TRDMT1: variants seen among roughly 807,000 people sequenced by gnomAD.
TRDMT1 encodes tRNA aspartic acid methyltransferase 1, also known as tRNA (cytosine(38)-C(5))-methyltransferase.
TRDMT1 carries 49 observed loss-of-function variants against 51.2 expected under a neutral mutation model. The ratio of observed to expected loss-of-function variants is 0.96; its 90% confidence interval spans 0.76 to 1.21. The LOEUF (loss-of-function observed/expected upper bound fraction) is 1.21, where lower values mean the gene tolerates loss of function less well. TRDMT1 is among the 50% of genes most tolerant of loss of function. The pLI is 0.00. For missense variants in TRDMT1, 534 were observed against 462.3 expected (o/e 1.16, Z -1.42); for synonymous variants, 187 against 164.6 (o/e 1.14, Z -1.04).
rs867316276 is a variant in TRDMT1 at position 17,152,451 on chromosome 10, G to A, written c.1075+1056C>T. 5.9e-5 allele frequency among the ~76,000 whole-genome samples: 9 copies of A among 152,268 alleles called. No individual in the cohort carries two copies. The East Asian group carries it at 1.5e-3, about 26-fold the overall frequency. On this transcript the variant is annotated intron_variant, in intron 10 of 10. Coordinates refer to ENST00000377799, the MANE Select transcript of TRDMT1 (RefSeq NM_004412.7). Reference sequence around the variant, plus strand: ...ATCCATTATTTAGAATTTGAAACACGATCTATTAAACCCATTATTTATTTG... The same window carrying A: ...ATCCATTATTTAGAATTTGAAACACAATCTATTAAACCCATTATTTATTTG...
chr10:17,173,314 T>G (rs577938896), intron 2 of TRDMT1, among the ~76,000 whole-genome samples: 1 of 152,300 alleles, frequency 6.6e-6, no homozygotes, highest in Non-Finnish European at 1.5e-5. Context: ...TACATACACA[T>G]ATTGTAGTAT....
rs1266883686 is a variant in TRDMT1, at chr10:17,153,431, C to G, written c.1075+76G>C. ...CTTGAGCCCATTTGTTTAGGCAAGT[C>G]CTAGACACACAAGTCCCTAAAGATT... On this transcript the variant is annotated intron_variant, in intron 10 of 10. Transcript: ENST00000377799. 75 of 1,562,760 alleles carry G rather than the reference C, an allele frequency of 4.8e-5. 1 individual carries two copies. Among genetic ancestry groups the G allele is most frequent in the Non-Finnish European group, 5.7e-5 (65 of 1,147,054 alleles).
At chr10:17,159,405 T>A (rs1839997573) in intron 6 of TRDMT1, among the ~76,000 whole-genome samples, 176 bp from the exon 7 acceptor site, 1 of 152,182 alleles carries the variant, frequency 6.6e-6, no homozygotes, top group Non-Finnish European at 1.5e-5. Context: ...TTTTAAACTA[T>A]TAAGTTGCTA....
chr10:17,187,118 G>T (rs1175522395), intron 1 of TRDMT1, among the ~76,000 whole-genome samples: 1 of 152,106 alleles, frequency 6.6e-6, no homozygotes, highest in East Asian at 1.9e-4. Context: ...GAACATGACT[G>T]TCTCGTTCAA....
intron 1 of TRDMT1, among the ~76,000 whole-genome samples, chr10:17,200,778 AAT>A (rs1487335955): frequency 6.6e-6 from 1 of 152,206 alleles, no homozygotes; most frequent in African/African-American, 2.4e-5. Flanking sequence ...GCATAAAAGT[AAT>A]AGTTTGCTTG....
rs151084227 is a variant in TRDMT1, at chr10:17,196,627, T to C, written c.64+4944A>G. Among the ~76,000 whole-genome samples, 132 of 152,352 alleles carry C rather than the reference T, an allele frequency of 8.7e-4. 4 individuals carry two copies. The East Asian group carries it at 0.021, about 24-fold the overall frequency. On this transcript the variant is annotated intron_variant, in intron 1 of 10. Transcript: ENST00000377799. ...AAGTAGTTTCTGTATAGGTCAAATA[T>C]GTATTTAAAAATGTAATAGACATTG...
intron 10 of TRDMT1, among the ~76,000 whole-genome samples, chr10:17,152,475 T>G (rs966522857): frequency 6.6e-6 from 1 of 152,258 alleles, no homozygotes; most frequent in Admixed American, 6.5e-5. Flanking sequence ...ATTATTTATT[T>G]GAGGGATAGT....
At position 17,187,604 on chromosome 10, in the gene TRDMT1, A is replaced by C. The variant is rs117610874; in HGVS notation, c.65-12944T>G. On this transcript the variant is annotated intron_variant, in intron 1 of 10. Transcript: ENST00000377799. ...AAAATCCCACCCTCAAGGAGCTTAC[A>C]TTCTAGAAGAGGAGGCAGTCAATTT... 7.4e-4 allele frequency among the ~76,000 whole-genome samples: 112 copies of C among 152,344 alleles called. No homozygotes were observed. In the East Asian group the frequency reaches 0.02, roughly 28 times the overall value.
chr10:17,150,893 C>A (rs1027981327), intron 10 of TRDMT1: 1 of 985,146 alleles, frequency 1.0e-6, no homozygotes, highest in Admixed American at 6.2e-5. Context: ...TACAAACAGG[C>A]TTTTAGACTA....
chr10:17,175,643 C>G (rs893865635), intron 1 of TRDMT1, among the ~76,000 whole-genome samples: 2 of 148,796 alleles, frequency 1.3e-5, no homozygotes, highest in Admixed American at 1.4e-4. Context: ...TAATAGTTAG[C>G]TGATTAGCTT....
At chr10:17,169,346 G>A (rs1191755619) in intron 2 of TRDMT1, 1 of 1,209,352 alleles carries the variant, frequency 8.3e-7, no homozygotes, top group African/African-American at 1.6e-5. Context: ...AATGTGATAT[G>A]CAGACCAGTC....
At position 17,139,725 on chromosome 10, in the gene TRDMT1, A is replaced by G. The variant is rs1837532797; in HGVS notation, c.*9315T>C. On this transcript the variant is annotated 3_prime_UTR_variant, in exon 11 of 11. Transcript: ENST00000377799. ...CAAGGCTGATGCCTTACAAAGGGGC[A>G]TCATTCCCAGGGGATTTGTTAATTG... is the stretch of plus-strand genomic sequence containing the variant. 6.6e-6 allele frequency among the ~76,000 whole-genome samples: 1 copy of G among 152,124 alleles called. No homozygotes were observed. Among genetic ancestry groups the G allele is most frequent in the African/African-American group, 2.4e-5 (1 of 41,406 alleles).
intron 2 of TRDMT1, chr10:17,169,677 T>C: frequency 2.2e-6 from 1 of 463,504 alleles, no homozygotes; most frequent in Admixed American, 3.0e-5. Context: ...TATAGCCCAC[T>C]TCTAAGAAGT....
chr10:17,165,930 A>C (rs1035861659), intron 3 of TRDMT1, among the ~76,000 whole-genome samples: 15 of 151,748 alleles, frequency 9.9e-5, no homozygotes, highest in Admixed American at 6.6e-5. Context: ...GTGGGACTGT[A>C]AACTAGTTCA....
At chr10:17,194,625 T>G (rs1845130331) in intron 1 of TRDMT1, among the ~76,000 whole-genome samples, 1 of 152,090 alleles carries the variant, frequency 6.6e-6, no homozygotes, top group African/African-American at 2.4e-5. Flanking sequence ...CCAGTCACAA[T>G]GGCTACGATT....
chr10:17,188,835 C>T (rs1383992364), intron 1 of TRDMT1, among the ~76,000 whole-genome samples: 1 of 152,038 alleles, frequency 6.6e-6, no homozygotes. Context: ...GTGATTTCCG[C>T]GAAGTAATCA....
chr10:17,139,869 C>A lies in TRDMT1; in HGVS notation c.*9171G>T, dbSNP rs1294240459. 6.6e-6 allele frequency among the ~76,000 whole-genome samples: 1 copy of A among 151,956 alleles called. No individual in the cohort carries two copies. The highest frequency in any genetic ancestry group is 1.5e-5 in the Non-Finnish European group (1 of 67,988). ...ATTCTAAGATCTATAAAAAACAACACCTTTGTATGCTTTCTTTATAGTGAC... is the reference window on the plus strand; with the variant it reads ...ATTCTAAGATCTATAAAAAACAACAACTTTGTATGCTTTCTTTATAGTGAC... On this transcript the variant is annotated 3_prime_UTR_variant, in exon 11 of 11. Transcript: ENST00000377799.
Position 17,142,912 on chromosome 10 carries a change from A to G in TRDMT1, c.*6128T>C, listed in dbSNP as rs1314650038. The G allele has an allele frequency of 1.5e-5, 13 of 846,052 alleles. No homozygotes were observed. Among genetic ancestry groups the G allele is most frequent in the Non-Finnish European group, 1.8e-5 (13 of 702,754 alleles). 52.4% of individuals were successfully genotyped at this position (846,052 alleles called of 1,614,324 possible). On this transcript the variant is annotated 3_prime_UTR_variant, in exon 11 of 11. Coordinates refer to ENST00000377799, the MANE Select transcript of TRDMT1 (RefSeq NM_004412.7). ...TTATAATTATACTTACCCAGAGTTT[A>G]TAATTACACTTTTCAGGGAGGAGCA...
intron 10 of TRDMT1, among the ~76,000 whole-genome samples, chr10:17,149,811 C>T (rs190466889): frequency 6.6e-6 from 1 of 152,226 alleles, no homozygotes; most frequent in East Asian, 1.9e-4. Context: ...TGTATTAATA[C>T]TTCATTCCTT....
Sources: allele counts gnomAD v4.1 joint callset (sites outside exome capture counted in the v4.1 genomes callset), GRCh38; gene constraint gnomAD v4.1.1; transcripts MANE v1.5; gene names NCBI Gene and HGNC (gene_info 2026-07-23, HGNC 2026-07-21).